TECRL: variants seen among roughly 807,000 people sequenced by gnomAD.
The protein encoded by TECRL is trans-2,3-enoyl-CoA reductase-like.
A neutral mutation model predicts 52.8 loss-of-function variants in TECRL; 63 were observed. The observed-to-expected ratio is 1.19, with a 90% CI of 0.97 to 1.47. The LOEUF (loss-of-function observed/expected upper bound fraction) is 1.47, where lower values mean the gene tolerates loss of function less well. Ranked by LOEUF, TECRL falls within the 40% of genes most tolerant of loss-of-function variation. The probability of loss-of-function intolerance (pLI) is 0.00; values close to 1 mark genes in which losing one functional copy is unlikely to be tolerated. For synonymous variants in TECRL, 164 were observed against 141.9 expected (o/e 1.16, Z -1.10); for missense variants, 482 against 429.6 (o/e 1.12, Z -1.08).
chr4:64,403,890 T>A (rs1212118616), intron 1 of TECRL, among the ~76,000 whole-genome samples: 1 of 151,372 alleles, frequency 6.6e-6, no homozygotes, highest in Non-Finnish European at 1.5e-5. Flanking sequence ...AAAAAGATAC[T>A]GTCATTTGCA....
chr4:64,365,474 C>T (rs4860158), intron 2 of TECRL, among the ~76,000 whole-genome samples: 136,692 of 152,070 alleles, frequency 0.9, 62,091 homozygotes, highest in East Asian at 1. Flanking sequence ...ATTCTGTATC[C>T]GGAAAACTCC....
At chr4:64,346,257 C>T (rs903023928) in intron 2 of TECRL, among the ~76,000 whole-genome samples, 2 of 152,204 alleles carry the variant, frequency 1.3e-5, no homozygotes, top group Non-Finnish European at 2.9e-5. Flanking sequence ...ATCTACCATT[C>T]TGGGATCTGG....
downstream of TECRL, chr4:64,276,338 A>G (rs1315999768): frequency 6.6e-6 from 1 of 151,932 alleles, no homozygotes; most frequent in East Asian, 1.9e-4. Flanking sequence ...ATAGGATGAG[A>G]GTGTTAACTC....
chr4:64,315,175 C>T (rs1297817254), intron 4 of TECRL, among the ~76,000 whole-genome samples: 1 of 151,786 alleles, frequency 6.6e-6, no homozygotes, highest in Non-Finnish European at 1.5e-5. Context: ...TCTTTTCTTC[C>T]CTACCCTACC....
At chr4:64,394,239 T>G (rs1723759749) in intron 1 of TECRL, among the ~76,000 whole-genome samples, 1 of 152,134 alleles carries the variant, frequency 6.6e-6, no homozygotes, top group Admixed American at 6.6e-5. Context: ...TAATAAAAAT[T>G]TCCTCTCCAC....
chr4:64,344,662 A>C (rs1719823646), intron 2 of TECRL, among the ~76,000 whole-genome samples: 1 of 152,224 alleles, frequency 6.6e-6, no homozygotes, highest in Admixed American at 6.5e-5. Context: ...CCTATGTGAA[A>C]TGTAATGGCT....
At chr4:64,333,764 TAATCCCAGCACTTTGG>T (rs1320487138) in intron 2 of TECRL, among the ~76,000 whole-genome samples, 1 of 148,756 alleles carries the variant, frequency 6.7e-6, no homozygotes, top group African/African-American at 2.5e-5. Context: ...CTCACGCCTG[TAATCCCAGCACTTTGG>T]GAGGCCGAGG....
chr4:64,389,846 G>A (rs1250468524), intron 1 of TECRL, among the ~76,000 whole-genome samples: 2 of 151,772 alleles, frequency 1.3e-5, no homozygotes, highest in Non-Finnish European at 1.5e-5. Flanking sequence ...TGACAAATTA[G>A]GTTATTTTAG....
In TECRL at chr4:64,278,019, C is replaced by T. The variant is rs1457409217; in HGVS notation, c.*2053G>A. The T allele has an allele frequency of 6.6e-6, 1 of 151,450 alleles. No individual in the cohort carries two copies. The highest frequency in any genetic ancestry group is 1.5e-5 in the Non-Finnish European group (1 of 67,696). The allele number at this position is 151,450 out of a possible 1,614,324, so 9.4% of individuals were successfully genotyped here. A position where few individuals can be genotyped will look rare whatever the true frequency, so the allele number is the denominator to read the frequency against. On this transcript the variant is annotated 3_prime_UTR_variant, in exon 12 of 12. Transcript: ENST00000381210. ...TGTACTTTTGCTTTGCAAGTGCATA[C>T]AATCCATTTGAAATATGCATATATT...
rs539245388 is a variant in TECRL, at chr4:64,370,947, A to G, written c.286+4225T>C. Among the ~76,000 whole-genome samples, 6 of 151,950 alleles carry G rather than the reference A, an allele frequency of 3.9e-5. No homozygotes were observed. The East Asian group carries it at 1.2e-3, about 29-fold the overall frequency. ...TTTGATATAATTTTGAAAATATTTA[A>G]TAAAGGGCATGATTTGCTGCTGCAT... On this transcript the variant is annotated intron_variant, in intron 2 of 11. Coordinates refer to ENST00000381210, the MANE Select transcript of TECRL (RefSeq NM_001010874.5).
intron 11 of TECRL, 29 bp from the exon 12 acceptor site, chr4:64,280,228 T>C (rs1722750556): frequency 1.5e-6 from 2 of 1,355,988 alleles, no homozygotes; most frequent in Non-Finnish European, 9.6e-7. Flanking sequence ...AATTATTATT[T>C]CTTTCTTATT....
chr4:64,283,402 C>T (rs965950305), intron 9 of TECRL, among the ~76,000 whole-genome samples: 1 of 152,002 alleles, frequency 6.6e-6, no homozygotes, highest in African/African-American at 2.4e-5. Context: ...ACCAAAAGGC[C>T]TGCAATGAGT....
intron 3 of TECRL, among the ~76,000 whole-genome samples, chr4:64,323,546 A>C (rs1179930168): frequency 1.3e-5 from 2 of 152,208 alleles, no homozygotes; most frequent in Non-Finnish European, 2.9e-5. Context: ...GGTGTAATTT[A>C]TCTTTTTAAA....
chr4:64,303,822 T>C (rs142665814), intron 7 of TECRL, among the ~76,000 whole-genome samples: 1 of 151,962 alleles, frequency 6.6e-6, no homozygotes, highest in East Asian at 1.9e-4. Flanking sequence ...TACAACCATG[T>C]TAAGTGTGGA....
downstream of TECRL, chr4:64,276,809 A>G (rs944656804): frequency 3.0e-6 from 1 of 334,492 alleles, no homozygotes; most frequent in Non-Finnish European, 5.4e-6. Flanking sequence ...AATCTTATAT[A>G]TTAATTTAGA....
At chr4:64,310,743 T>A (rs1212647808) in intron 5 of TECRL, among the ~76,000 whole-genome samples, 1 of 152,186 alleles carries the variant, frequency 6.6e-6, no homozygotes, top group African/African-American at 2.4e-5. Flanking sequence ...GTTTTTGTTT[T>A]TAGAGACAGG....
intron 4 of TECRL, 36 bp downstream of exon 4, chr4:64,322,653 T>A (rs1717984355): frequency 7.1e-7 from 1 of 1,415,604 alleles, no homozygotes; most frequent in Non-Finnish European, 9.7e-7. Context: ...GAGCAAAATA[T>A]GAGAAATGTA....
At chr4:64,323,358 C>G (rs1303672800) in intron 3 of TECRL, among the ~76,000 whole-genome samples, 2 of 151,948 alleles carry the variant, frequency 1.3e-5, no homozygotes, top group Non-Finnish European at 2.9e-5. Context: ...GATCGCTTCA[C>G]TGTACTCCAG....
chr4:64,290,478 G>T (rs1723318956), intron 8 of TECRL, among the ~76,000 whole-genome samples: 2 of 152,078 alleles, frequency 1.3e-5, no homozygotes, highest in Admixed American at 1.3e-4. Context: ...CTATGTTACT[G>T]ATAACAGAAC....
Sources: gnomAD v4.1 joint callset for allele counts (sites outside exome capture counted in the v4.1 genomes callset) on GRCh38, gnomAD v4.1.1 for gene constraint, MANE v1.5 for transcripts, NCBI Gene and HGNC (gene_info 2026-07-23, HGNC 2026-07-21) for gene names.